The following PAX3 variants were observed in gnomAD, a reference collection of about 807,000 sequenced individuals.
The protein encoded by PAX3 is paired box 3.
Under a neutral mutation model 51.6 loss-of-function variants are expected in PAX3, and 14 were observed. The observed-to-expected ratio is 0.27, with a 90% CI of 0.18 to 0.42. PAX3 has a LOEUF of 0.42. PAX3 is among the 10% of genes least tolerant of loss of function. PAX3 has a pLI of 1.00. For missense variants in PAX3, 540 were observed against 642.8 expected (o/e 0.84, Z 1.73); for synonymous variants, 280 against 253.4 (o/e 1.11, Z -1.00).
chr2:222,284,760 G>C lies in PAX3; in HGVS notation c.586+9407C>G, dbSNP rs1054713350. On this transcript the variant is annotated intron_variant, in intron 4 of 8. Coordinates refer to ENST00000392070, the MANE Select transcript of PAX3 (RefSeq NM_181458.4). Reference sequence around the variant, plus strand: ...AGTGTTCAGAGATTATTTCCCCCCCGACCAAGACTTTTGAGTTTTGCTGCT... The same window carrying C: ...AGTGTTCAGAGATTATTTCCCCCCCCACCAAGACTTTTGAGTTTTGCTGCT... Among the ~76,000 whole-genome samples, 37 of 152,032 alleles carry C rather than the reference G, an allele frequency of 2.4e-4. 2 individuals are homozygous for C. The highest frequency in any genetic ancestry group is 2.4e-3 in the Admixed American group (36 of 15,256).
chr2:222,201,159 T>G lies in PAX3; in HGVS notation c.*249A>C. 6.2e-7 allele frequency: 1 copy of G among 1,613,720 alleles called. No individual in the cohort carries two copies. The highest frequency in any genetic ancestry group is 8.5e-7 in the Non-Finnish European group (1 of 1,179,758). On this transcript the variant is annotated 3_prime_UTR_variant, in exon 9 of 9. Coordinates refer to ENST00000392070, the MANE Select transcript of PAX3 (RefSeq NM_181458.4). ...ACCATGTGAAACCATTGCCTTAAAA[T>G]GTTGCATTTGTCTTTTATTGCTCCA...
At chr2:222,286,964 T>A (rs1429225091) in intron 4 of PAX3, among the ~76,000 whole-genome samples, 1 of 152,274 alleles carries the variant, frequency 6.6e-6, no homozygotes, top group African/African-American at 2.4e-5. Context: ...GGCATTTTGA[T>A]AACTGTGCAT....
At chr2:222,273,845 G>T (rs372534896) in intron 4 of PAX3, among the ~76,000 whole-genome samples, 2 of 151,740 alleles carry the variant, frequency 1.3e-5, no homozygotes, top group East Asian at 1.9e-4. Flanking sequence ...ATAAAAATTC[G>T]ACTAAAACAT....
chr2:222,229,248 T>C (rs1352897375), intron 5 of PAX3, among the ~76,000 whole-genome samples: 1 of 150,060 alleles, frequency 6.7e-6, no homozygotes, highest in Non-Finnish European at 1.5e-5. Context: ...AACATTGATA[T>C]AGTAATATTA....
intron 3 of PAX3, 142 bp from the exon 4 acceptor site, chr2:222,294,443 C>A (rs941783277): frequency 3.1e-5 from 25 of 798,936 alleles, no homozygotes; most frequent in Admixed American, 6.1e-5. Context: ...TCTCCTCCTG[C>A]ATCTCTGGAC....
At chr2:222,287,995 T>C (rs1694893569) in intron 4 of PAX3, among the ~76,000 whole-genome samples, 2 of 152,218 alleles carry the variant, frequency 1.3e-5, no homozygotes, top group South Asian at 4.1e-4. Context: ...CTGGCATGAA[T>C]TTTACAACCT....
intron 4 of PAX3, among the ~76,000 whole-genome samples, chr2:222,284,056 C>A (rs1052062968): frequency 7.2e-5 from 11 of 152,194 alleles, no homozygotes; most frequent in African/African-American, 2.4e-4. Flanking sequence ...AAAATGTATC[C>A]TTCAGCTTGA....
At chr2:222,294,547 C>T (rs946010524) in intron 3 of PAX3, among the ~76,000 whole-genome samples, 1 of 151,990 alleles carries the variant, frequency 6.6e-6, no homozygotes, top group African/African-American at 2.4e-5. Context: ...CTGGGAAAAC[C>T]GTGCCTCCAA....
At chr2:222,296,750 G>A (rs1469213483) in intron 2 of PAX3, among the ~76,000 whole-genome samples, 6 of 152,210 alleles carry the variant, frequency 3.9e-5, no homozygotes, top group Non-Finnish European at 5.9e-5. Flanking sequence ...AAAAACAGAT[G>A]TTATTTTTCC....
intron 4 of PAX3, among the ~76,000 whole-genome samples, chr2:222,287,935 C>T (rs1182512767): frequency 6.6e-6 from 1 of 152,142 alleles, no homozygotes; most frequent in Non-Finnish European, 1.5e-5. Context: ...TTCGAAAACC[C>T]CACACACAGG....
At chr2:222,206,838 G>A (rs146210897) in intron 7 of PAX3, among the ~76,000 whole-genome samples, 2 of 152,256 alleles carry the variant, frequency 1.3e-5, no homozygotes, top group East Asian at 3.9e-4. Context: ...AGTGCCTGAA[G>A]CTTATCAGAA....
intron 4 of PAX3, among the ~76,000 whole-genome samples, chr2:222,244,110 G>A (rs75067222): frequency 0.1 from 15,365 of 152,202 alleles, 806 homozygotes; most frequent in South Asian, 0.18. Context: ...GGACCTAGGG[G>A]AGGAATTGGC....
intron 7 of PAX3, among the ~76,000 whole-genome samples, chr2:222,213,823 C>T (rs1369783604): frequency 1.3e-5 from 2 of 152,160 alleles, no homozygotes; most frequent in African/African-American, 2.4e-5. Context: ...AAACGAATGC[C>T]TTATCAACAA....
intron 7 of PAX3, among the ~76,000 whole-genome samples, chr2:222,210,719 A>G (rs552519998): frequency 1.3e-5 from 2 of 152,196 alleles, no homozygotes; most frequent in Admixed American, 1.3e-4. Flanking sequence ...ATGGACATCA[A>G]TATGAATCCT....
intron 4 of PAX3, among the ~76,000 whole-genome samples, chr2:222,274,680 C>G (rs1694359348): frequency 6.6e-6 from 1 of 152,008 alleles, no homozygotes; most frequent in Non-Finnish European, 1.5e-5. Context: ...AGAATAACAA[C>G]TCTTCTTCGA....
intron 4 of PAX3, among the ~76,000 whole-genome samples, chr2:222,265,370 C>CT (rs1694005824): frequency 1.3e-5 from 2 of 152,140 alleles, no homozygotes; most frequent in Non-Finnish European, 2.9e-5. Context: ...ATACTTGGAG[C>CT]AAGATTTTTC....
chr2:222,267,342 G>A (rs1694088077), intron 4 of PAX3, among the ~76,000 whole-genome samples: 1 of 151,990 alleles, frequency 6.6e-6, no homozygotes, highest in South Asian at 2.1e-4. Context: ...TGAGCTACAA[G>A]GTACATCAAT....
chr2:222,253,039 G>T (rs1240103928), intron 4 of PAX3, among the ~76,000 whole-genome samples: 1 of 152,128 alleles, frequency 6.6e-6, no homozygotes, highest in Non-Finnish European at 1.5e-5. Context: ...TGACCCATAG[G>T]CTACTTCCAT....
chr2:222,215,131 G>A (rs1574638018), intron 7 of PAX3, among the ~76,000 whole-genome samples: 1 of 152,000 alleles, frequency 6.6e-6, no homozygotes. Flanking sequence ...AATGAATGTA[G>A]GAAAGGCTCA....
Sources: allele counts gnomAD v4.1 joint callset (sites outside exome capture counted in the v4.1 genomes callset), GRCh38; gene constraint gnomAD v4.1.1; transcripts MANE v1.5; gene names NCBI Gene and HGNC (gene_info 2026-07-23, HGNC 2026-07-21).